Variants in CSMD1 observed in about 807,000 individuals in gnomAD.
CSMD1 encodes the protein CUB and Sushi multiple domains 1.
Under a neutral mutation model 417.5 loss-of-function variants are expected in CSMD1, and 213 were observed. The ratio of observed to expected loss-of-function variants is 0.51; its 90% CI spans 0.46 to 0.57. The LOEUF is 0.57. Ranked by LOEUF, CSMD1 falls within the 20% of genes least tolerant of loss-of-function variation. CSMD1 has a pLI of 0.00. For synonymous variants in CSMD1, 2,862 were observed against 1,736.8 expected (o/e 1.65, Z -16.11); for missense variants, 6,923 against 4,529.7 (o/e 1.53, Z -15.17).
At chr8:4,378,775 T>A (rs1254353981) in intron 3 of CSMD1, among the ~76,000 whole-genome samples, 3 of 152,192 alleles carry the variant, frequency 2.0e-5, no homozygotes, top group Admixed American at 6.5e-5. Context: ...CTCTCATGAA[T>A]GGGATTACTG....
intron 4 of CSMD1, 122 bp from the exon 5 acceptor site, chr8:3,998,232 T>G: frequency 2.6e-6 from 2 of 755,102 alleles, no homozygotes; most frequent in Non-Finnish European, 2.1e-6. Context: ...ATTGAGACAC[T>G]CAATCTGAAA....
At chr8:3,859,069 G>C (rs968301842) in intron 5 of CSMD1, among the ~76,000 whole-genome samples, 1 of 152,146 alleles carries the variant, frequency 6.6e-6, no homozygotes, top group African/African-American at 2.4e-5. Context: ...CATGTGTTAT[G>C]TGATATTCAT....
intron 1 of CSMD1, among the ~76,000 whole-genome samples, chr8:4,770,208 A>G (rs1208193532): frequency 2.0e-5 from 3 of 148,414 alleles, no homozygotes; most frequent in South Asian, 2.1e-4. Flanking sequence ...CTTATAAATT[A>G]CTGTATATAT....
chr8:3,753,627 G>C (rs904910079), intron 6 of CSMD1, among the ~76,000 whole-genome samples: 1 of 152,034 alleles, frequency 6.6e-6, no homozygotes. Flanking sequence ...AAACTGCTGT[G>C]GATATTTACA....
chr8:4,765,227 T>G (rs1438996536), intron 1 of CSMD1, among the ~76,000 whole-genome samples: 1 of 152,190 alleles, frequency 6.6e-6, no homozygotes, highest in Non-Finnish European at 1.5e-5. Flanking sequence ...AGCTCTTACC[T>G]AGGCTGAATC....
intron 5 of CSMD1, among the ~76,000 whole-genome samples, chr8:3,913,179 G>T (rs540927463): frequency 3.3e-5 from 5 of 152,224 alleles, no homozygotes; most frequent in African/African-American, 1.2e-4. Context: ...ATGTTGAGTT[G>T]AGAACCGAAT....
At chr8:3,689,372 T>A (rs1312130379) in intron 7 of CSMD1, among the ~76,000 whole-genome samples, 1 of 152,132 alleles carries the variant, frequency 6.6e-6, no homozygotes, top group East Asian at 1.9e-4. Context: ...GCTGATGCCA[T>A]CAGAAATGCC....
chr8:3,967,275 T>G (rs2688348), intron 5 of CSMD1, among the ~76,000 whole-genome samples: 42,052 of 151,966 alleles, frequency 0.28, 5,974 homozygotes, highest in East Asian at 0.44. Flanking sequence ...TCTCTCTCTA[T>G]ACTGTTCTTG....
Position 4,392,564 on chromosome 8 carries a change from A to C in CSMD1, c.415+27389T>G, listed in dbSNP as rs573983302. Among the ~76,000 whole-genome samples the C allele has an allele frequency of 2.8e-4, 42 of 152,184 alleles. 1 individual carries two copies. Among genetic ancestry groups the C allele is most frequent in the African/African-American group, 8.4e-4 (35 of 41,534 alleles). ...GGTCACTAGGAAACTTAAATATAAAAACTTGTGTAAATGGCTTTCATCTGA... is the reference window on the plus strand; with the variant it reads ...GGTCACTAGGAAACTTAAATATAAACACTTGTGTAAATGGCTTTCATCTGA... On this transcript the variant is annotated intron_variant, in intron 3 of 69. Transcript: ENST00000635120.
chr8:3,283,791 C>T (rs534898981), intron 26 of CSMD1, among the ~76,000 whole-genome samples: 2 of 152,368 alleles, frequency 1.3e-5, no homozygotes, highest in East Asian at 1.9e-4. Context: ...CCACTAAATT[C>T]TATCTTTTCG....
intron 5 of CSMD1, among the ~76,000 whole-genome samples, chr8:3,862,689 A>G (rs538222337): frequency 7.9e-5 from 12 of 152,292 alleles, no homozygotes; most frequent in African/African-American, 1.9e-4. Flanking sequence ...GCTTTTCTAT[A>G]TAGGAATTCA....
intron 26 of CSMD1, among the ~76,000 whole-genome samples, chr8:3,264,816 A>G (rs1394567087): frequency 2.6e-5 from 4 of 152,092 alleles, no homozygotes; most frequent in African/African-American, 9.7e-5. Flanking sequence ...TGTTTTGCCT[A>G]CTGTAAAAAC....
At chr8:4,311,784 G>T (rs937333294) in intron 3 of CSMD1, among the ~76,000 whole-genome samples, 8 of 151,308 alleles carry the variant, frequency 5.3e-5, no homozygotes, top group Non-Finnish European at 1.2e-4. Context: ...AACACATAGA[G>T]GGGAACAACA....
chr8:4,573,541 G>T (rs1242662193), intron 2 of CSMD1, among the ~76,000 whole-genome samples: 1 of 152,120 alleles, frequency 6.6e-6, no homozygotes, highest in Admixed American at 6.5e-5. Context: ...GAGCTCTCCT[G>T]TATGAGATGT....
intron 12 of CSMD1, among the ~76,000 whole-genome samples, chr8:3,428,696 C>G (rs920320919): frequency 2.0e-5 from 3 of 152,102 alleles, no homozygotes; most frequent in Admixed American, 6.5e-5. Context: ...AGTCATCCTA[C>G]TAGTGGGCAT....
intron 18 of CSMD1, among the ~76,000 whole-genome samples, chr8:3,382,535 A>G (rs1231162295): frequency 8.3e-6 from 1 of 119,866 alleles, no homozygotes; most frequent in Non-Finnish European, 1.7e-5. Context: ...ATATAAATAT[A>G]TATTTATTAT....
chr8:4,141,301 CA>C (rs1218636814), intron 3 of CSMD1, among the ~76,000 whole-genome samples: 1 of 151,030 alleles, frequency 6.6e-6, no homozygotes, highest in Non-Finnish European at 1.5e-5. Context: ...CCGTAATTCC[CA>C]AGATGGAAAT....
intron 10 of CSMD1, among the ~76,000 whole-genome samples, chr8:3,552,603 A>G (rs1376334204): frequency 2.0e-5 from 3 of 152,196 alleles, no homozygotes; most frequent in African/African-American, 7.2e-5. Flanking sequence ...ATTTTAAGGA[A>G]TTAAGAGGAC....
chr8:4,020,750 A>G (rs1388980001), intron 4 of CSMD1, among the ~76,000 whole-genome samples: 2 of 152,180 alleles, frequency 1.3e-5, no homozygotes, highest in Admixed American at 6.5e-5. Flanking sequence ...ATTAGACCCA[A>G]CGTCATTACT....
Sources: gnomAD v4.1 joint callset for allele counts (sites outside exome capture counted in the v4.1 genomes callset) on GRCh38, gnomAD v4.1.1 for gene constraint, MANE v1.5 for transcripts, NCBI Gene and HGNC (gene_info 2026-07-23, HGNC 2026-07-21) for gene names.